Variants in CCDC85A observed in about 807,000 individuals in gnomAD.
The protein encoded by CCDC85A is coiled-coil domain containing 85A.
Under a neutral mutation model 50.2 loss-of-function variants are expected in CCDC85A, and 38 were observed. The ratio of observed to expected loss-of-function variants is 0.76; its 90% CI spans 0.58 to 0.99. CCDC85A has a LOEUF of 0.99. Among genes scored for constraint, CCDC85A ranks in the 50% least tolerant of loss-of-function variants. The pLI is 0.00. For synonymous variants in CCDC85A, 366 were observed against 301.4 expected (o/e 1.21, Z -2.22); for missense variants, 820 against 742.0 (o/e 1.11, Z -1.22).
chr2:56,319,194 A>G (rs756470115), intron 2 of CCDC85A, among the ~76,000 whole-genome samples: 4 of 152,126 alleles, frequency 2.6e-5, no homozygotes, highest in Admixed American at 1.3e-4. Context: ...ACACATAGCA[A>G]CTCAATCTGT....
chr2:56,276,310 C>CTT (rs200228378), intron 2 of CCDC85A, among the ~76,000 whole-genome samples: 1 of 152,078 alleles, frequency 6.6e-6, no homozygotes. Context: ...TGCTTACTGG[C>CTT]TTTACTTTCT....
At chr2:56,306,581 T>C (rs901144619) in intron 2 of CCDC85A, among the ~76,000 whole-genome samples, 1 of 152,182 alleles carries the variant, frequency 6.6e-6, no homozygotes, top group Non-Finnish European at 1.5e-5. Flanking sequence ...TTTGGATGTA[T>C]GGTTGTATAA....
At chr2:56,198,510 T>C (rs1007396783) in intron 2 of CCDC85A, among the ~76,000 whole-genome samples, 1 of 152,358 alleles carries the variant, frequency 6.6e-6, no homozygotes, top group African/African-American at 2.4e-5. Flanking sequence ...TTTGATAAAA[T>C]TGATTTATTG....
Position 56,184,557 on chromosome 2 carries a change from C to T in CCDC85A, c.-68C>T, listed in dbSNP as rs1675908271. 6 of 1,356,304 alleles carry T rather than the reference C, an allele frequency of 4.4e-6. No homozygotes were observed. Among genetic ancestry groups the T allele is most frequent in the Non-Finnish European group, 5.6e-6 (6 of 1,062,476 alleles). The allele number at this position is 1,356,304 out of a possible 1,614,324, so 84.0% of individuals were successfully genotyped here. A position where few individuals can be genotyped will look rare whatever the true frequency, so the allele number is the denominator to read the frequency against. On this transcript the variant is annotated 5_prime_UTR_variant, in exon 1 of 6. Coordinates refer to ENST00000407595, the MANE Select transcript of CCDC85A (RefSeq NM_001080433.2). ...AGGGGTGTGGGCGGAGGCGGCCTCGCCGCGCCCGCGCCTTCGGGAGTCGCC... is the reference window on the plus strand; with the variant it reads ...AGGGGTGTGGGCGGAGGCGGCCTCGTCGCGCCCGCGCCTTCGGGAGTCGCC...
At chr2:56,331,135 G>GAAAT (rs990766619) in intron 2 of CCDC85A, among the ~76,000 whole-genome samples, 9 of 151,564 alleles carry the variant, frequency 5.9e-5, no homozygotes, top group African/African-American at 2.2e-4. Flanking sequence ...AACAGAAAGG[G>GAAAT]AAATACTACA....
chr2:56,325,115 T>G (rs907894931), intron 2 of CCDC85A, among the ~76,000 whole-genome samples: 16 of 152,060 alleles, frequency 1.1e-4, no homozygotes, highest in Admixed American at 3.3e-4. Context: ...TAATGCGATT[T>G]TATAATACAG....
chr2:56,248,583 C>G (rs1440041487), intron 2 of CCDC85A, among the ~76,000 whole-genome samples: 1 of 152,212 alleles, frequency 6.6e-6, no homozygotes, highest in Non-Finnish European at 1.5e-5. Flanking sequence ...TCTGTTTTAA[C>G]AAGTGGCTTC....
rs1675960042 is a variant in CCDC85A at position 56,369,313 on chromosome 2, T to A, written c.1318-3031T>A. ...TTAGAGAATGTTGTACGTCTTTAAA[T>A]AAATAGATGAGAACTATTTATTATT... is the stretch of plus-strand genomic sequence containing the variant. On this transcript the variant is annotated intron_variant, in intron 3 of 5. Transcript: ENST00000407595. 2.0e-5 allele frequency among the ~76,000 whole-genome samples: 3 copies of A among 152,274 alleles called. No homozygotes were observed. The South Asian group carries it at 6.2e-4, about 32-fold the overall frequency.
At chr2:56,313,895 G>T (rs927033953) in intron 2 of CCDC85A, among the ~76,000 whole-genome samples, 41 of 151,926 alleles carry the variant, frequency 2.7e-4, no homozygotes, top group African/African-American at 9.7e-4. Flanking sequence ...GATAGTCAGG[G>T]CTGGGCCTGG....
At position 56,336,021 on chromosome 2, in the gene CCDC85A, A is replaced by G. The variant is rs138806248; in HGVS notation, c.1241-6858A>G. On this transcript the variant is annotated intron_variant, in intron 2 of 5. Coordinates refer to ENST00000407595, the MANE Select transcript of CCDC85A (RefSeq NM_001080433.2). ...ACAATGACAATTAAATTTCAGCATG[A>G]TTTTTGAAAGGGATAAACAGTCAAG... is the stretch of plus-strand genomic sequence containing the variant. Among the ~76,000 whole-genome samples, 1,246 of 152,280 alleles carry G rather than the reference A, an allele frequency of 8.2e-3. 16 individuals are homozygous for G. The highest frequency in any genetic ancestry group is 0.029 in the African/African-American group (1,202 of 41,548).
intron 3 of CCDC85A, among the ~76,000 whole-genome samples, chr2:56,346,762 C>T (rs1674651800): frequency 1.3e-5 from 2 of 152,174 alleles, no homozygotes; most frequent in Admixed American, 1.3e-4. Flanking sequence ...GGATATTCTT[C>T]CGAGCACATG....
intron 2 of CCDC85A, among the ~76,000 whole-genome samples, chr2:56,198,387 T>C (rs1427050930): frequency 6.6e-6 from 1 of 152,272 alleles, no homozygotes. Context: ...TGTGTATTTC[T>C]GTTGTGTGAA....
intron 2 of CCDC85A, among the ~76,000 whole-genome samples, chr2:56,210,896 C>G (rs1315415641): frequency 1.3e-5 from 2 of 151,994 alleles, no homozygotes; most frequent in Non-Finnish European, 2.9e-5. Context: ...GATCAAGATG[C>G]AAGCAGAGTG....
chr2:56,246,219 C>T (rs1347520298), intron 2 of CCDC85A, among the ~76,000 whole-genome samples: 3 of 152,234 alleles, frequency 2.0e-5, no homozygotes, highest in South Asian at 4.2e-4. Context: ...CCACCACGCC[C>T]GGCCCAAGTT....
chr2:56,372,535 G>T (rs1031420493), intron 4 of CCDC85A, 57 bp downstream of exon 4: 2 of 1,438,726 alleles, frequency 1.4e-6, no homozygotes, highest in African/African-American at 2.9e-5. Flanking sequence ...GATGACTTCT[G>T]TTGCTAGAGA....
intron 2 of CCDC85A, among the ~76,000 whole-genome samples, chr2:56,193,937 A>T (rs1460997739): frequency 6.6e-6 from 1 of 152,234 alleles, no homozygotes; most frequent in African/African-American, 2.4e-5. Flanking sequence ...TGATGTTCCT[A>T]AACAGGCTTG....
At chr2:56,359,090 A>G (rs904693088) in intron 3 of CCDC85A, among the ~76,000 whole-genome samples, 8 of 151,458 alleles carry the variant, frequency 5.3e-5, no homozygotes, top group Non-Finnish European at 7.4e-5. Context: ...AGGCATGAGT[A>G]TGTTTTCATT....
At chr2:56,191,659 AG>A (rs1333399932) in intron 1 of CCDC85A, among the ~76,000 whole-genome samples, 1 of 152,214 alleles carries the variant, frequency 6.6e-6, no homozygotes, top group African/African-American at 2.4e-5. Context: ...GAACAGAAAG[AG>A]GGGGCATTTG....
chr2:56,314,315 T>C (rs567178535), intron 2 of CCDC85A, among the ~76,000 whole-genome samples: 1 of 151,840 alleles, frequency 6.6e-6, no homozygotes, highest in East Asian at 1.9e-4. Context: ...TGACTTCTGA[T>C]CCCTGCTCTT....
Sources: allele counts gnomAD v4.1 joint callset (sites outside exome capture counted in the v4.1 genomes callset), GRCh38; gene constraint gnomAD v4.1.1; transcripts MANE v1.5; gene names NCBI Gene and HGNC (gene_info 2026-07-23, HGNC 2026-07-21).